Variants in SNX29 observed in about 807,000 individuals in gnomAD.
The protein encoded by SNX29 is sorting nexin-29.
SNX29 carries 78 observed loss-of-function variants against 102.1 expected under a neutral mutation model. The observed-to-expected ratio is 0.76, with a 90% CI of 0.64 to 0.92. The LOEUF (loss-of-function observed/expected upper bound fraction) is 0.92, where lower values mean the gene tolerates loss of function less well. Ranked by LOEUF, SNX29 falls within the 40% of genes least tolerant of loss-of-function variation. The pLI is 0.00. For missense variants in SNX29, 1,280 were observed against 1,061.7 expected, an observed-to-expected ratio of 1.21 and a Z score of -2.86; for synonymous variants, 580 against 414.5, an observed-to-expected ratio of 1.40 and a Z score of -4.85.
At chr16:12,450,401 G>A (rs2086251408) in intron 18 of SNX29, among the ~76,000 whole-genome samples, 1 of 152,160 alleles carries the variant, frequency 6.6e-6, no homozygotes, top group Admixed American at 6.5e-5. Context: ...TGTGGAAGCT[G>A]CAAATGGGAT....
At chr16:12,236,685 C>T (rs550285012) in intron 14 of SNX29, among the ~76,000 whole-genome samples, 1 of 152,342 alleles carries the variant, frequency 6.6e-6, no homozygotes, top group African/African-American at 2.4e-5. Context: ...TTGAAGACTC[C>T]CTATGTGCCA....
intron 20 of SNX29, among the ~76,000 whole-genome samples, chr16:12,548,078 T>TA (rs1003358708): frequency 6.6e-6 from 1 of 152,154 alleles, no homozygotes; most frequent in African/African-American, 2.4e-5. Context: ...AGGCATGACA[T>TA]AAAAAGATGT....
intron 14 of SNX29, among the ~76,000 whole-genome samples, chr16:12,268,594 G>A (rs747368590): frequency 6.6e-6 from 1 of 152,098 alleles, no homozygotes; most frequent in African/African-American, 2.4e-5. Context: ...TTTCTCCTTC[G>A]GAACTGTAAA....
At chr16:12,140,209 C>G (rs1337090955) in intron 13 of SNX29, among the ~76,000 whole-genome samples, 1 of 152,146 alleles carries the variant, frequency 6.6e-6, no homozygotes, top group Non-Finnish European at 1.5e-5. Flanking sequence ...TCTCTCTTTC[C>G]CTCGGTCTTG....
intron 11 of SNX29, among the ~76,000 whole-genome samples, chr16:12,117,249 C>G (rs2053766374): frequency 6.8e-6 from 1 of 146,748 alleles, no homozygotes; most frequent in African/African-American, 2.5e-5. Context: ...TGCGGACGAA[C>G]CGTGGAAACA....
intron 20 of SNX29, among the ~76,000 whole-genome samples, chr16:12,555,197 A>C (rs1193692649): frequency 6.6e-6 from 1 of 151,746 alleles, no homozygotes; most frequent in East Asian, 2.0e-4. Context: ...TGGCATGCAG[A>C]CTGGACTATG....
chr16:12,446,758 G>A lies in SNX29; in HGVS notation c.2038-30961G>A, dbSNP rs551621771. ...TAACCTATAGGAAACACTTAGAATCGGCTCCAGTATGTACTAAGCTCTCAA... is the reference window on the plus strand; with the variant it reads ...TAACCTATAGGAAACACTTAGAATCAGCTCCAGTATGTACTAAGCTCTCAA... On this transcript the variant is annotated intron_variant, in intron 18 of 20. Transcript: ENST00000566228. 5.9e-5 allele frequency among the ~76,000 whole-genome samples: 9 copies of A among 152,194 alleles called. No individual in the cohort carries two copies. In the South Asian group the frequency reaches 1.9e-3, roughly 32 times the overall value.
intron 15 of SNX29, among the ~76,000 whole-genome samples, chr16:12,314,065 A>G (rs2080652295): frequency 6.6e-6 from 1 of 152,262 alleles, no homozygotes; most frequent in Admixed American, 6.5e-5. Flanking sequence ...AGCTCACTGC[A>G]GCCTCCAACT....
At position 12,021,763 on chromosome 16, in the gene SNX29, G is replaced by A. The variant is rs144831742; in HGVS notation, c.123-5557G>A. 7.5e-3 allele frequency among the ~76,000 whole-genome samples: 1,135 copies of A among 151,972 alleles called. 9 individuals are homozygous for A. The highest frequency in any genetic ancestry group is 0.026 in the African/African-American group (1,059 of 41,458). On this transcript the variant is annotated intron_variant, in intron 3 of 20. Coordinates refer to ENST00000566228, the MANE Select transcript of SNX29 (RefSeq NM_032167.5). ...AAAAAATGGCCGGACGTGGTGGCCC[G>A]TGGCTGTAATCCCAGCTACTCCAGA...
intron 20 of SNX29, among the ~76,000 whole-genome samples, chr16:12,539,828 C>G (rs1040846012): frequency 2.0e-5 from 3 of 152,188 alleles, no homozygotes; most frequent in African/African-American, 7.2e-5. Flanking sequence ...TTTAACACAT[C>G]CTCTTTGGGG....
intron 13 of SNX29, among the ~76,000 whole-genome samples, chr16:12,137,029 G>A (rs749232456): frequency 7.2e-5 from 11 of 152,256 alleles, no homozygotes; most frequent in African/African-American, 2.2e-4. Flanking sequence ...CGTGAGCCAC[G>A]GTGCCCAGCC....
At chr16:12,312,259 C>A (rs922484354) in intron 15 of SNX29, among the ~76,000 whole-genome samples, 3 of 152,240 alleles carry the variant, frequency 2.0e-5, no homozygotes, top group South Asian at 2.1e-4. Flanking sequence ...CCCTGCACTT[C>A]CATCTAGCAC....
At chr16:12,388,391 G>A (rs1486132573) in intron 16 of SNX29, among the ~76,000 whole-genome samples, 3 of 152,152 alleles carry the variant, frequency 2.0e-5, no homozygotes, top group Non-Finnish European at 2.9e-5. Context: ...TCTACCTGGA[G>A]CCAGGGGCCT....
Position 12,571,025 on chromosome 16 carries a change from C to T in SNX29, c.*2396C>T, listed in dbSNP as rs1567229384. On this transcript the variant is annotated 3_prime_UTR_variant, in exon 21 of 21. Transcript: ENST00000566228. ...CGTAGAGTCGAGTCATCTCGCAGAT[C>T]CAGACCATCTCCTCTCATTCTCACT... 1 of 232,674 alleles carries T rather than the reference C, an allele frequency of 4.3e-6. No homozygotes were observed. The highest frequency in any genetic ancestry group is 2.2e-5 in the African/African-American group (1 of 45,312). The allele number at this position is 232,674 out of a possible 1,614,324, so 14.4% of individuals were successfully genotyped here. A position where few individuals can be genotyped will look rare whatever the true frequency, so the allele number is the denominator to read the frequency against.
At chr16:12,121,269 G>A (rs2053960484) in intron 11 of SNX29, among the ~76,000 whole-genome samples, 2 of 152,204 alleles carry the variant, frequency 1.3e-5, no homozygotes, top group Admixed American at 1.3e-4. Flanking sequence ...GGGAATCACT[G>A]AACTCTACTT....
intron 19 of SNX29, among the ~76,000 whole-genome samples, chr16:12,520,194 G>A (rs2090044316): frequency 6.6e-6 from 1 of 152,094 alleles, no homozygotes; most frequent in African/African-American, 2.4e-5. Flanking sequence ...AAAGTGCCTG[G>A]GGCAGAGGAT....
chr16:12,412,256 G>A (rs975363232), intron 18 of SNX29, among the ~76,000 whole-genome samples: 3 of 152,220 alleles, frequency 2.0e-5, no homozygotes, highest in African/African-American at 7.2e-5. Context: ...TATAGATGAA[G>A]CAGCTGTGAC....
chr16:12,491,744 T>C (rs1206013023), intron 19 of SNX29, among the ~76,000 whole-genome samples: 1 of 152,146 alleles, frequency 6.6e-6, no homozygotes, highest in Non-Finnish European at 1.5e-5. Context: ...GTGTTCTCAT[T>C]GTTCAATTCC....
At position 12,571,065 on chromosome 16, in the gene SNX29, G is replaced by C. The variant is rs1251285874; in HGVS notation, c.*2436G>C. ...TCATTCTCACTCTAAAAATGCTGGT[G>C]GCCCGCACATGACAGCAACTCCCCG... is the stretch of plus-strand genomic sequence containing the variant. On this transcript the variant is annotated 3_prime_UTR_variant, in exon 21 of 21. Transcript: ENST00000566228. 1 of 232,602 alleles carries C rather than the reference G, an allele frequency of 4.3e-6. No homozygotes were observed. The highest frequency in any genetic ancestry group is 8.5e-6 in the Non-Finnish European group (1 of 117,740). The allele number at this position is 232,602 out of a possible 1,614,324, so 14.4% of individuals were successfully genotyped here. A position where few individuals can be genotyped will look rare whatever the true frequency, so the allele number is the denominator to read the frequency against.
Sources: gnomAD v4.1 joint callset for allele counts (sites outside exome capture counted in the v4.1 genomes callset) on GRCh38, gnomAD v4.1.1 for gene constraint, MANE v1.5 for transcripts, NCBI Gene and HGNC (gene_info 2026-07-23, HGNC 2026-07-21) for gene names.